PDE10A: variants seen among roughly 807,000 people sequenced by gnomAD.
The protein encoded by PDE10A is phosphodiesterase 10A, also known as cAMP and cAMP-inhibited cGMP 3',5'-cyclic phosphodiesterase 10A.
In PDE10A, 39 loss-of-function variants were observed where a neutral mutation model predicts 97.7. That is an observed-to-expected ratio of 0.40 (90% confidence interval 0.31 to 0.52). The LOEUF (loss-of-function observed/expected upper bound fraction) is 0.52. Among genes scored for constraint, PDE10A ranks in the 20% least tolerant of loss-of-function variants. PDE10A has a pLI of 0.56. For missense variants in PDE10A, 731 were observed against 1,047.8 expected (o/e 0.70, Z 4.17); for synonymous variants, 371 against 376.8 (o/e 0.98, Z 0.18).
intron 13 of PDE10A, 60 bp downstream of exon 13, chr6:165,413,429 AAGCTGCTTTATG>A: frequency 9.2e-7 from 1 of 1,081,810 alleles, no homozygotes; most frequent in African/African-American, 1.6e-5. Context: ...AAAAGCCCTT[AAGCTGCTTTATG>A]AAAAAGATTC....
At chr6:165,520,481 T>C (rs189815742) in intron 2 of PDE10A, among the ~76,000 whole-genome samples, 13 of 152,176 alleles carry the variant, frequency 8.5e-5, no homozygotes, top group African/African-American at 3.1e-4. Context: ...GGGAGTATGA[T>C]GAAGGAGAGG....
chr6:165,752,967 A>C (rs1206189678), intron 1 of PDE10A, among the ~76,000 whole-genome samples: 6 of 152,194 alleles, frequency 3.9e-5, no homozygotes, highest in Non-Finnish European at 5.9e-5. Flanking sequence ...CTCATTACCA[A>C]AATTCTATCA....
intron 1 of PDE10A, among the ~76,000 whole-genome samples, chr6:165,816,416 C>T (rs1215262192): frequency 6.6e-6 from 1 of 152,204 alleles, no homozygotes; most frequent in African/African-American, 2.4e-5. Flanking sequence ...AGTCTCTGGG[C>T]TTATGAAGCC....
intron 1 of PDE10A, among the ~76,000 whole-genome samples, chr6:165,756,806 G>A (rs1793127041): frequency 6.6e-6 from 1 of 151,700 alleles, no homozygotes; most frequent in Non-Finnish European, 1.5e-5. Context: ...AGCAGAATGT[G>A]TCATCAAATA....
At chr6:165,486,750 G>A (rs1410554282) in intron 2 of PDE10A, among the ~76,000 whole-genome samples, 1 of 152,156 alleles carries the variant, frequency 6.6e-6, no homozygotes, top group East Asian at 1.9e-4. Context: ...ACATTTCAGT[G>A]ACATAGAATG....
chr6:165,942,193 C>T (rs1054688602), intron 1 of PDE10A, among the ~76,000 whole-genome samples: 7 of 152,104 alleles, frequency 4.6e-5, no homozygotes, highest in Non-Finnish European at 8.8e-5. Flanking sequence ...CCAACAGCCA[C>T]GCTGAGCAGC....
chr6:165,870,562 A>G (rs936558282), intron 1 of PDE10A, among the ~76,000 whole-genome samples: 2 of 152,210 alleles, frequency 1.3e-5, no homozygotes, highest in East Asian at 3.8e-4. Context: ...ACAAAAGACT[A>G]AAAATAGAAT....
chr6:165,474,170 A>G (rs1467702983), intron 3 of PDE10A, among the ~76,000 whole-genome samples: 1 of 152,216 alleles, frequency 6.6e-6, no homozygotes, highest in Non-Finnish European at 1.5e-5. Flanking sequence ...GAGCTGAGGC[A>G]ACAAAGCATC....
chr6:165,561,340 C>A (rs1784513801), intron 1 of PDE10A, among the ~76,000 whole-genome samples: 1 of 152,248 alleles, frequency 6.6e-6, no homozygotes, highest in Non-Finnish European at 1.5e-5. Flanking sequence ...GCTGACCAGC[C>A]ATGCTTCCTA....
chr6:165,471,723 A>G (rs1041987950), intron 3 of PDE10A, among the ~76,000 whole-genome samples: 2 of 152,096 alleles, frequency 1.3e-5, no homozygotes, highest in Non-Finnish European at 2.9e-5. Flanking sequence ...TCCTTTCAAA[A>G]TAAATGCAGA....
intron 1 of PDE10A, among the ~76,000 whole-genome samples, chr6:165,651,504 G>A (rs1256288216): frequency 6.6e-6 from 1 of 152,150 alleles, no homozygotes; most frequent in Non-Finnish European, 1.5e-5. Context: ...GGAGCTTCTG[G>A]CATGCTATGG....
chr6:165,652,648 G>A (rs1025577655), intron 1 of PDE10A, among the ~76,000 whole-genome samples: 1 of 152,138 alleles, frequency 6.6e-6, no homozygotes, highest in African/African-American at 2.4e-5. Context: ...TCCCTGGACT[G>A]CAACTCTGCA....
At chr6:165,335,979 A>G in intron 21 of PDE10A, 144 bp downstream of exon 21, 2 of 703,262 alleles carry the variant, frequency 2.8e-6, no homozygotes, top group Non-Finnish European at 5.1e-6. Flanking sequence ...GAAGCCAGGT[A>G]AGGAGGCCCC....
Position 165,619,069 on chromosome 6 carries a change from G to C in PDE10A, c.865+42878C>G, listed in dbSNP as rs796787885. ...GTAGTCTAGTGTGGTGTAGTGTAGT[G>C]TAGTGTAGTCTAGTGTAGTCTAGTG... is the stretch of plus-strand genomic sequence containing the variant. On this transcript the variant is annotated intron_variant, in intron 1 of 21. Coordinates refer to ENST00000539869, the MANE Select transcript of PDE10A (RefSeq NM_001385079.1). Among the ~76,000 whole-genome samples, 747 of 114,144 alleles carry C rather than the reference G, an allele frequency of 6.5e-3. 9 individuals carry two copies. The highest frequency in any genetic ancestry group is 0.027 in the African/African-American group (694 of 25,666). The allele number at this position is 114,144 out of a possible 152,430, so 74.9% of individuals were successfully genotyped here. A position where few individuals can be genotyped will look rare whatever the true frequency, so the allele number is the denominator to read the frequency against.
chr6:165,437,834 T>G (rs1023909721), intron 5 of PDE10A, among the ~76,000 whole-genome samples: 1 of 152,214 alleles, frequency 6.6e-6, no homozygotes, highest in East Asian at 1.9e-4. Context: ...TTCTGTGTTG[T>G]TTTTGTTTTG....
At chr6:165,452,902 A>G (rs1033533733) in intron 3 of PDE10A, among the ~76,000 whole-genome samples, 91 of 67,246 alleles carry the variant, frequency 1.4e-3, no homozygotes, top group Non-Finnish European at 4.3e-4. Flanking sequence ...GAGGGTTTAG[A>G]AAAAAAAAAA....
chr6:165,978,293 T>G (rs1244680495), intron 1 of PDE10A, among the ~76,000 whole-genome samples: 1 of 152,270 alleles, frequency 6.6e-6, no homozygotes, highest in East Asian at 1.9e-4. Flanking sequence ...TATATAATTA[T>G]GAATGATATT....
At chr6:165,603,698 C>T (rs1787076195) in intron 1 of PDE10A, among the ~76,000 whole-genome samples, 1 of 152,218 alleles carries the variant, frequency 6.6e-6, no homozygotes, top group South Asian at 2.1e-4. Context: ...GCGACTTCAC[C>T]ACAGTCATGG....
chr6:165,987,968 T>A, upstream of PDE10A: 1 of 383,884 alleles, frequency 2.6e-6, no homozygotes, highest in South Asian at 1.9e-5. Context: ...AGTGCTTGTG[T>A]GTGCGTGCGT....
Sources: allele counts gnomAD v4.1 joint callset (sites outside exome capture counted in the v4.1 genomes callset), GRCh38; gene constraint gnomAD v4.1.1; transcripts MANE v1.5; gene names NCBI Gene and HGNC (gene_info 2026-07-23, HGNC 2026-07-21).